COL24A1: variants seen among roughly 807,000 people sequenced by gnomAD.
COL24A1 encodes collagen alpha-1(XXIV) chain.
In COL24A1, 224 loss-of-function variants were observed where a neutral mutation model predicts 253.9. The observed-to-expected ratio is 0.88, with a 90% CI of 0.79 to 0.99. The LOEUF is 0.99. Among genes scored for constraint, COL24A1 ranks in the 50% least tolerant of loss-of-function variants. The pLI, the probability that COL24A1 is intolerant of heterozygous loss-of-function variation, is 0.00. For missense variants in COL24A1, 2,131 were observed against 2,068.5 expected (o/e 1.03, Z -0.59); for synonymous variants, 685 against 673.7 (o/e 1.02, Z -0.26).
intron 46 of COL24A1, among the ~76,000 whole-genome samples, chr1:85,817,244 G>A (rs1174750991): frequency 2.0e-5 from 3 of 152,162 alleles, no homozygotes; most frequent in Non-Finnish European, 4.4e-5. Flanking sequence ...GCTTAGGATA[G>A]AGGTTATCAT....
Position 85,730,508 on chromosome 1 carries a change from C to T in COL24A1, c.*38G>A. 6.2e-7 allele frequency: 1 copy of T among 1,606,130 alleles called. No homozygotes were observed. The highest frequency in any genetic ancestry group is 8.5e-7 in the Non-Finnish European group (1 of 1,174,424). On this transcript the variant is annotated 3_prime_UTR_variant, in exon 60 of 60. Transcript: ENST00000370571. Reference sequence around the variant, plus strand: ...TTATTTCTCCCTCTGCAGCAATTACCTGGCCAACAGCCTGAATTCGGAACT... The same window carrying T: ...TTATTTCTCCCTCTGCAGCAATTACTTGGCCAACAGCCTGAATTCGGAACT...
At chr1:86,065,475 G>C (rs1701396770) in intron 7 of COL24A1, among the ~76,000 whole-genome samples, 1 of 152,054 alleles carries the variant, frequency 6.6e-6, no homozygotes, top group South Asian at 2.1e-4. Context: ...TCTTCATTCA[G>C]AGACCCTGAC....
chr1:85,822,060 T>A (rs1673683799), intron 45 of COL24A1, among the ~76,000 whole-genome samples: 1 of 152,222 alleles, frequency 6.6e-6, no homozygotes, highest in South Asian at 2.1e-4. Flanking sequence ...AATTTGAGTA[T>A]TAAAAATTCT....
Position 85,806,400 on chromosome 1 carries a change from A to C in COL24A1, c.3951+10388T>G, listed in dbSNP as rs1671970698. The stretch of plus-strand genomic sequence containing the variant: ...GATACAAATAGACCAGAGGTCAGCC[A>C]ATGTTTTCTGTAAAAGGGCCAGACA... On this transcript the variant is annotated intron_variant, in intron 47 of 59. Coordinates refer to ENST00000370571, the MANE Select transcript of COL24A1 (RefSeq NM_152890.7). Among the ~76,000 whole-genome samples, 3 of 152,342 alleles carry C rather than the reference A, an allele frequency of 2.0e-5. No homozygotes were observed. In the South Asian group the frequency reaches 6.2e-4, roughly 32 times the overall value.
chr1:85,793,470 A>G (rs1670503354), intron 47 of COL24A1, among the ~76,000 whole-genome samples: 2 of 152,090 alleles, frequency 1.3e-5, no homozygotes, highest in African/African-American at 4.8e-5. Context: ...AGAGAGAGAG[A>G]GAAGAGGAGG....
chr1:86,039,161 G>A (rs1025363801), intron 12 of COL24A1, among the ~76,000 whole-genome samples: 1 of 152,060 alleles, frequency 6.6e-6, no homozygotes, highest in African/African-American at 2.4e-5. Flanking sequence ...GCCCTCTAAA[G>A]CTCAGAGCCC....
intron 55 of COL24A1, among the ~76,000 whole-genome samples, chr1:85,754,645 C>G (rs1570461748): frequency 6.9e-6 from 1 of 143,938 alleles, no homozygotes; most frequent in East Asian, 2.1e-4. Flanking sequence ...AAAAAAGAAC[C>G]AAATAGAAAT....
chr1:85,732,301 C>T (rs956782719), intron 59 of COL24A1, among the ~76,000 whole-genome samples: 3 of 151,440 alleles, frequency 2.0e-5, no homozygotes, highest in African/African-American at 4.9e-5. Context: ...GCAATCTAGG[C>T]TCACTGCAAG....
intron 35 of COL24A1, among the ~76,000 whole-genome samples, chr1:85,872,351 G>T (rs1267976763): frequency 1.3e-5 from 2 of 152,066 alleles, no homozygotes; most frequent in Non-Finnish European, 2.9e-5. Flanking sequence ...CTACTTTAAA[G>T]TTCATATGGA....
At chr1:85,791,902 A>G (rs906893664) in intron 47 of COL24A1, among the ~76,000 whole-genome samples, 3 of 152,168 alleles carry the variant, frequency 2.0e-5, no homozygotes, top group African/African-American at 7.2e-5. Context: ...CCTCCCCAAT[A>G]AAACAGAAAC....
Position 85,784,342 on chromosome 1 carries a change from G to A in COL24A1, c.4084C>T (p.Pro1362Ser), listed in dbSNP as rs745471654. 7 of 1,613,856 alleles carry A rather than the reference G, an allele frequency of 4.3e-6. No individual in the cohort carries two copies. Among genetic ancestry groups the A allele is most frequent in the Admixed American group, 3.3e-5 (2 of 59,970 alleles). The change falls in exon 49 of 60, where the codon CCT (proline) becomes TCT (serine). Residue 1362 changes from proline (P) to serine (S), a missense_variant. Transcript: ENST00000370571. ...TGACCTCTTTTACCTTGAATTCCAGGTTGACCAGGTAGCCCTTGTTCACCC... is the reference window on the plus strand; with the variant it reads ...TGACCTCTTTTACCTTGAATTCCAGATTGACCAGGTAGCCCTTGTTCACCC... ...PKGEQGLPGQ[P>S]GIQGKRGHRG...
chr1:85,849,294 A>G, intron 38 of COL24A1, 59 bp downstream of exon 38: 2 of 1,289,508 alleles, frequency 1.6e-6, no homozygotes, highest in Non-Finnish European at 2.2e-6. Flanking sequence ...ACAGCAGTCT[A>G]TGGAGTTCTG....
At position 85,818,062 on chromosome 1, in the gene COL24A1, G is replaced by A. The variant is rs762660006; in HGVS notation, c.3815C>T (p.Pro1272Leu). ...SEGNKGKKGA[P>L]GPSGKPGIPG... ...AATCCCAGGTTTCCCAGAAGGACCA[G>A]GAGCTCCTTTTTTCCCCTTATTACC... The change falls in exon 46 of 60, where the codon CCT (proline) becomes CTT (leucine). Residue 1272 changes from proline (P) to leucine (L), a missense_variant. Pro to Leu is a moderately conservative substitution (Grantham distance 98, BLOSUM62 -3). Transcript: ENST00000370571. The A allele has an allele frequency of 6.2e-7, 1 of 1,613,720 alleles. No homozygotes were observed. Among genetic ancestry groups the A allele is most frequent in the South Asian group, 1.1e-5 (1 of 91,074 alleles).
intron 20 of COL24A1, 117 bp from the exon 21 acceptor site, chr1:85,971,510 A>C (rs1692167483): frequency 1.2e-6 from 1 of 841,524 alleles, no homozygotes; most frequent in Admixed American, 3.1e-5. Context: ...TCCCATTAAG[A>C]AGTCCTCAAA....
At chr1:86,022,620 CT>C in intron 16 of COL24A1, 29 bp from the exon 17 acceptor site, 1 of 1,597,164 alleles carries the variant, frequency 6.3e-7, no homozygotes, top group Non-Finnish European at 8.5e-7. Context: ...TGCAAAGATA[CT>C]TATGTATCAC....
chr1:86,112,685 T>C, intron 4 of COL24A1, 65 bp from the exon 5 acceptor site: 1 of 1,440,344 alleles, frequency 6.9e-7, no homozygotes, highest in Non-Finnish European at 9.7e-7. Flanking sequence ...TACAATTGCT[T>C]ACTTTCCTCT....
chr1:85,814,061 A>T (rs1196496296), intron 47 of COL24A1, among the ~76,000 whole-genome samples: 1 of 151,998 alleles, frequency 6.6e-6, no homozygotes, highest in Non-Finnish European at 1.5e-5. Flanking sequence ...CTGACCCTGG[A>T]TTTTGAGCTT....
chr1:86,002,426 T>C (rs1289046214), intron 19 of COL24A1, among the ~76,000 whole-genome samples: 2 of 152,228 alleles, frequency 1.3e-5, no homozygotes, highest in Admixed American at 6.5e-5. Flanking sequence ...AAATGGTATA[T>C]AGTCACCAAT....
In COL24A1 at chr1:85,816,798, T is replaced by C; in HGVS notation, c.3941A>G (p.Gln1314Arg). The change falls in exon 47 of 60, where the codon CAG becomes CGG. Residue 1314 changes from glutamine to arginine, a missense_variant. Physicochemically the swap from Gln to Arg is conservative, Grantham distance 43. Transcript: ENST00000370571. Reference protein sequence around the residue: ...NPGKIGPPGKQGLPGIRGGPG... With the variant: ...NPGKIGPPGKRGLPGIRGGPG... ...ATCCGTACTACTCACAGGAAGTCCCTGTTTTCCTGGTGGCCCAATTTTTCC... is the reference window on the plus strand; with the variant it reads ...ATCCGTACTACTCACAGGAAGTCCCCGTTTTCCTGGTGGCCCAATTTTTCC... 2 of 1,613,032 alleles carry C rather than the reference T, an allele frequency of 1.2e-6. No homozygotes were observed. The highest frequency in any genetic ancestry group is 1.1e-5 in the South Asian group (1 of 91,064).
Sources: gnomAD v4.1 joint callset for allele counts (sites outside exome capture counted in the v4.1 genomes callset) on GRCh38, gnomAD v4.1.1 for gene constraint, MANE v1.5 for transcripts, NCBI Gene and HGNC (gene_info 2026-07-23, HGNC 2026-07-21) for gene names.